Variants in CRYBA4 observed in about 807,000 individuals in gnomAD.
The protein encoded by CRYBA4 is crystallin beta A4, also known as beta-crystallin A4.
Under a neutral mutation model 31.7 loss-of-function variants are expected in CRYBA4, and 30 were observed. That is an observed-to-expected ratio of 0.95 (90% CI 0.71 to 1.28). The LOEUF (loss-of-function observed/expected upper bound fraction) is 1.28. CRYBA4 is among the 50% of genes most tolerant of loss of function. The pLI, the probability that CRYBA4 is intolerant of heterozygous loss-of-function variation, is 0.00. For synonymous variants in CRYBA4, 102 were observed against 102.3 expected (o/e 1.00, Z 0.02); for missense variants, 225 against 260.7 (o/e 0.86, Z 0.94).
the CRYBA4 span, chr22:26,601,889 A>T: frequency 1.2e-6 from 2 of 1,612,070 alleles, no homozygotes; most frequent in Non-Finnish European, 1.7e-6. Context: ...GTTCCACTGG[A>T]GACCTTCACG....
the CRYBA4 span, chr22:26,608,066 A>G: frequency 6.2e-7 from 1 of 1,613,692 alleles, no homozygotes; most frequent in Non-Finnish European, 8.5e-7. Flanking sequence ...ACATATGGTT[A>G]GTAGAAGCCC....
At chr22:26,590,428 A>G in the CRYBA4 span, among the ~76,000 whole-genome samples, 1 of 152,220 alleles carries the variant, frequency 6.6e-6, no homozygotes, top group Non-Finnish European at 1.5e-5. Context: ...ATCACCAAAA[A>G]GTGGTGTAAG....
chr22:26,608,529 A>G, the CRYBA4 span, among the ~76,000 whole-genome samples: 1 of 152,238 alleles, frequency 6.6e-6, no homozygotes. Context: ...CAATGGTGTA[A>G]TAGCAACATA....
chr22:26,597,277 C>T, the CRYBA4 span, among the ~76,000 whole-genome samples: 3 of 152,150 alleles, frequency 2.0e-5, no homozygotes, highest in African/African-American at 4.8e-5. Flanking sequence ...TAAGCTTCAC[C>T]GGGGCCCACC....
chr22:26,611,287 G>T, the CRYBA4 span, among the ~76,000 whole-genome samples: 1 of 152,116 alleles, frequency 6.6e-6, no homozygotes, highest in Non-Finnish European at 1.5e-5. Context: ...GCCTCCTACA[G>T]CACTGTGAAT....
At chr22:26,594,861 T>C in the CRYBA4 span, among the ~76,000 whole-genome samples, 1 of 152,212 alleles carries the variant, frequency 6.6e-6, no homozygotes, top group Non-Finnish European at 1.5e-5. Context: ...CTTGGACTCA[T>C]CATGATTTCT....
the CRYBA4 span, chr22:26,616,068 G>T: frequency 8.5e-7 from 1 of 1,177,742 alleles, no homozygotes; most frequent in South Asian, 1.2e-5. Context: ...AAGAGGAGGA[G>T]GAGAAGAAGG....
the CRYBA4 span, among the ~76,000 whole-genome samples, chr22:26,592,554 C>T: frequency 6.6e-6 from 1 of 152,330 alleles, no homozygotes; most frequent in South Asian, 2.1e-4. Flanking sequence ...GGAAGCGAGC[C>T]TGGGGCCTTG....
At chr22:26,607,612 A>T in the CRYBA4 span, among the ~76,000 whole-genome samples, 21 of 150,466 alleles carry the variant, frequency 1.4e-4, no homozygotes, top group East Asian at 3.8e-3. Flanking sequence ...GCAGCCAGGG[A>T]TATCAAGAGA....
At chr22:26,612,193 G>A in the CRYBA4 span, 1 of 1,606,218 alleles carries the variant, frequency 6.2e-7, no homozygotes, top group Non-Finnish European at 8.5e-7. Flanking sequence ...ACCACCAGCT[G>A]CAGGAGAGAA....
the CRYBA4 span, chr22:26,612,231 G>A: frequency 1.4e-6 from 2 of 1,397,798 alleles, no homozygotes; most frequent in Admixed American, 3.4e-5. Context: ...AGAGTGAGGG[G>A]GGAGTCAAAA....
the CRYBA4 span, among the ~76,000 whole-genome samples, chr22:26,601,378 A>C: frequency 0.18 from 27,086 of 152,024 alleles, 3,191 homozygotes; most frequent in South Asian, 0.41. Context: ...TTGTGTGCCC[A>C]TTGCCTAGCT....
chr22:26,620,984 C>T (rs929892962), upstream of CRYBA4, among the ~76,000 whole-genome samples: 1 of 152,148 alleles, frequency 6.6e-6, no homozygotes, highest in African/African-American at 2.4e-5. Context: ...AAGAAAGAAG[C>T]AGGGCTGGAT....
the CRYBA4 span, among the ~76,000 whole-genome samples, chr22:26,613,409 G>C: frequency 6.6e-6 from 1 of 152,236 alleles, no homozygotes; most frequent in East Asian, 1.9e-4. Flanking sequence ...GGAAGTCAGG[G>C]ACCCCAAACG....
At chr22:26,591,027 C>T in the CRYBA4 span, among the ~76,000 whole-genome samples, 2,801 of 152,190 alleles carry the variant, frequency 0.018, 83 homozygotes, top group African/African-American at 0.063. Flanking sequence ...AACTTTGGTT[C>T]TTTGTTCTCT....
chr22:26,600,575 G>A, the CRYBA4 span, among the ~76,000 whole-genome samples: 3 of 152,196 alleles, frequency 2.0e-5, no homozygotes, highest in Non-Finnish European at 4.4e-5. Context: ...TGTCTGTACA[G>A]TGGGGATGAT....
At chr22:26,602,046 G>C in the CRYBA4 span, 1 of 1,612,358 alleles carries the variant, frequency 6.2e-7, no homozygotes, top group Non-Finnish European at 8.5e-7. Flanking sequence ...GCCGGGTCAG[G>C]TGTGTGAAGT....
chr22:26,618,248 T>C (rs779461056), upstream of CRYBA4, among the ~76,000 whole-genome samples: 93 of 152,188 alleles, frequency 6.1e-4, 1 homozygote, highest in Non-Finnish European at 2.6e-4. Flanking sequence ...AACCCTACCC[T>C]GACTCCTTTC....
intron 2 of CRYBA4, 149 bp from the exon 3 acceptor site, chr22:26,623,085 A>G (rs1355247129): frequency 2.7e-6 from 2 of 749,944 alleles, no homozygotes; most frequent in Non-Finnish European, 4.8e-6. Flanking sequence ...AGTGTCTCAC[A>G]TTTATCACTG....
Sources: gnomAD v4.1 joint callset for allele counts (sites outside exome capture counted in the v4.1 genomes callset) on GRCh38, gnomAD v4.1.1 for gene constraint, MANE v1.5 for transcripts, NCBI Gene and HGNC (gene_info 2026-07-23, HGNC 2026-07-21) for gene names.